RPGRIP1L: variants seen among roughly 807,000 people sequenced by gnomAD.
The protein encoded by RPGRIP1L is protein fantom.
In RPGRIP1L, 131 loss-of-function variants were observed where a neutral mutation model predicts 160.4. The ratio of observed to expected loss-of-function variants is 0.82; its 90% CI spans 0.71 to 0.94. The LOEUF (loss-of-function observed/expected upper bound fraction) is 0.94. Ranked by LOEUF, RPGRIP1L falls within the 40% of genes least tolerant of loss-of-function variation. The pLI is 0.00. For missense variants in RPGRIP1L, 1,522 were observed against 1,535.8 expected, an observed-to-expected ratio of 0.99 and a Z score of 0.15; for synonymous variants, 510 against 515.8, an observed-to-expected ratio of 0.99 and a Z score of 0.15.
intron 16 of RPGRIP1L, among the ~76,000 whole-genome samples, chr16:53,646,912 C>T (rs920473924): frequency 4.6e-5 from 7 of 152,090 alleles, no homozygotes; most frequent in Non-Finnish European, 8.8e-5. Context: ...AAATCTAAGA[C>T]GTGAATCACA....
intron 6 of RPGRIP1L, among the ~76,000 whole-genome samples, chr16:53,678,518 T>C (rs1969362917): frequency 6.6e-6 from 1 of 152,068 alleles, no homozygotes; most frequent in African/African-American, 2.4e-5. Context: ...CCAGTGAAAG[T>C]TTCATATACT....
chr16:53,606,628 T>C (rs1466951087), intron 25 of RPGRIP1L, among the ~76,000 whole-genome samples: 1 of 152,198 alleles, frequency 6.6e-6, no homozygotes, highest in Non-Finnish European at 1.5e-5. Context: ...GTTGTGTTTT[T>C]TTTGAGATGG....
chr16:53,659,354 G>A (rs190622712), intron 10 of RPGRIP1L: 55 of 211,118 alleles, frequency 2.6e-4, no homozygotes, highest in African/African-American at 1.3e-3. Flanking sequence ...GTAGGGGGGT[G>A]AGGGATGAGA....
At position 53,600,065 on chromosome 16, in the gene RPGRIP1L, C is replaced by T. The variant is rs1963313707; in HGVS notation, c.*2011G>A. 1 of 152,384 alleles carries T rather than the reference C, an allele frequency of 6.6e-6. No individual in the cohort carries two copies. The highest frequency in any genetic ancestry group is 2.4e-5 in the African/African-American group (1 of 41,448). The allele number at this position is 152,384 out of a possible 1,614,324, so 9.4% of individuals were successfully genotyped here. On this transcript the variant is annotated 3_prime_UTR_variant, in exon 27 of 27. Transcript: ENST00000647211. Reference sequence around the variant, plus strand: ...TTTCCACTTAATGATCCTAAGAAGTCAGTGCAATCTGGTTCTTCTCCCTGC... The same window carrying T: ...TTTCCACTTAATGATCCTAAGAAGTTAGTGCAATCTGGTTCTTCTCCCTGC...
At chr16:53,702,016 C>T (rs1216251637) in intron 1 of RPGRIP1L, among the ~76,000 whole-genome samples, 1 of 151,882 alleles carries the variant, frequency 6.6e-6, no homozygotes, top group African/African-American at 2.4e-5. Flanking sequence ...ACACATAGGC[C>T]CGTGTATGAA....
intron 1 of RPGRIP1L, among the ~76,000 whole-genome samples, chr16:53,702,538 C>T (rs1415833968): frequency 6.6e-6 from 1 of 152,196 alleles, no homozygotes; most frequent in Non-Finnish European, 1.5e-5. Flanking sequence ...TCCTCGAACC[C>T]CCCATACCCT....
At chr16:53,698,794 C>G (rs1001991562) in intron 2 of RPGRIP1L, among the ~76,000 whole-genome samples, 2 of 151,186 alleles carry the variant, frequency 1.3e-5, no homozygotes, top group African/African-American at 4.9e-5. Context: ...CCCGGCCAGC[C>G]GCCTCGTCCG....
At chr16:53,627,281 T>G (rs973248001) in intron 22 of RPGRIP1L, among the ~76,000 whole-genome samples, 5 of 152,240 alleles carry the variant, frequency 3.3e-5, no homozygotes, top group Non-Finnish European at 5.9e-5. Flanking sequence ...TTCAGTCAGT[T>G]ACATTTAAAT....
intron 22 of RPGRIP1L, among the ~76,000 whole-genome samples, chr16:53,633,109 A>G (rs1450851301): frequency 6.6e-6 from 1 of 152,210 alleles, no homozygotes; most frequent in Non-Finnish European, 1.5e-5. Flanking sequence ...TCAGTAATAC[A>G]TTCCTTCCTA....
intron 11 of RPGRIP1L, 130 bp downstream of exon 11, chr16:53,658,642 A>G (rs1469781884): frequency 2.4e-6 from 2 of 834,298 alleles, no homozygotes; most frequent in African/African-American, 1.7e-5. Flanking sequence ...ACTACCTGAT[A>G]GCATGAGTTA....
chr16:53,603,208 T>A (rs1266137780), intron 26 of RPGRIP1L, among the ~76,000 whole-genome samples: 1 of 152,230 alleles, frequency 6.6e-6, no homozygotes, highest in East Asian at 1.9e-4. Flanking sequence ...CCAAATGGGA[T>A]GCCGATTCAA....
intron 16 of RPGRIP1L, among the ~76,000 whole-genome samples, chr16:53,646,338 C>T (rs1269605377): frequency 1.3e-5 from 2 of 152,068 alleles, no homozygotes; most frequent in Admixed American, 6.6e-5. Context: ...GGTAGATAGA[C>T]GAATGTCCTA....
intron 3 of RPGRIP1L, 83 bp from the exon 4 acceptor site, chr16:53,692,447 A>G (rs1489267219): frequency 7.9e-7 from 1 of 1,265,380 alleles, no homozygotes; most frequent in Non-Finnish European, 1.2e-6. Context: ...AATCACTGTG[A>G]AGACTTCAGT....
At chr16:53,676,365 A>G (rs895386813) in intron 6 of RPGRIP1L, among the ~76,000 whole-genome samples, 1 of 152,118 alleles carries the variant, frequency 6.6e-6, no homozygotes, top group Non-Finnish European at 1.5e-5. Context: ...ATATTCACTC[A>G]GTATTACCTT....
At chr16:53,664,735 G>A (rs1202287515) in intron 10 of RPGRIP1L, 135 bp downstream of exon 10, 1 of 991,242 alleles carries the variant, frequency 1.0e-6, no homozygotes, top group Non-Finnish European at 1.6e-6. Flanking sequence ...ATTCATGAGA[G>A]TGGATGACTG....
At chr16:53,683,647 T>C (rs1969767207) in intron 6 of RPGRIP1L, among the ~76,000 whole-genome samples, 2 of 149,306 alleles carry the variant, frequency 1.3e-5, no homozygotes, top group Non-Finnish European at 3.0e-5. Context: ...GATGTGTATG[T>C]GGGGGTTCAA....
At chr16:53,697,611 G>T (rs1198372612) in intron 2 of RPGRIP1L, among the ~76,000 whole-genome samples, 1 of 152,238 alleles carries the variant, frequency 6.6e-6, no homozygotes, top group Non-Finnish European at 1.5e-5. Context: ...TGATCCACCA[G>T]CCTCGGCCTC....
At chr16:53,696,098 C>G (rs1970735355) in intron 3 of RPGRIP1L, 53 bp downstream of exon 3, 8 of 1,554,908 alleles carry the variant, frequency 5.1e-6, no homozygotes, top group Non-Finnish European at 7.1e-6. Flanking sequence ...AAATACCATA[C>G]CCTCCAAATT....
intron 1 of RPGRIP1L, among the ~76,000 whole-genome samples, chr16:53,702,323 G>C (rs1971486131): frequency 6.6e-6 from 1 of 152,198 alleles, no homozygotes; most frequent in African/African-American, 2.4e-5. Flanking sequence ...GAAGCGGGAT[G>C]CTACTGGCAT....
Sources: gnomAD v4.1 joint callset for allele counts (sites outside exome capture counted in the v4.1 genomes callset) on GRCh38, gnomAD v4.1.1 for gene constraint, MANE v1.5 for transcripts, NCBI Gene and HGNC (gene_info 2026-07-23, HGNC 2026-07-21) for gene names.